Variants in PLCB1 observed in about 807,000 individuals in gnomAD.
PLCB1 encodes phospholipase C beta 1.
Under a neutral mutation model 161.8 loss-of-function variants are expected in PLCB1, and 46 were observed. That is an observed-to-expected ratio of 0.28 (90% CI 0.22 to 0.36). PLCB1 has a LOEUF of 0.36. PLCB1 is among the 10% of genes least tolerant of loss of function. The pLI, the probability that PLCB1 is intolerant of heterozygous loss-of-function variation, is 1.00. For missense variants in PLCB1, 1,016 were observed against 1,472.5 expected, an observed-to-expected ratio of 0.69 and a Z score of 5.07; for synonymous variants, 517 against 503.7, an observed-to-expected ratio of 1.03 and a Z score of -0.35.
At chr20:8,406,645 T>C (rs1456743429) in intron 3 of PLCB1, among the ~76,000 whole-genome samples, 1 of 152,186 alleles carries the variant, frequency 6.6e-6, no homozygotes, top group Non-Finnish European at 1.5e-5. Context: ...TAAGAGCCTG[T>C]CGAGCAGAGA....
At chr20:8,429,286 T>A (rs780337101) in intron 3 of PLCB1, among the ~76,000 whole-genome samples, 2 of 152,226 alleles carry the variant, frequency 1.3e-5, no homozygotes, top group Non-Finnish European at 2.9e-5. Flanking sequence ...TCTCTAACTC[T>A]TTAATCACTG....
intron 2 of PLCB1, among the ~76,000 whole-genome samples, chr20:8,319,942 C>G (rs1984832780): frequency 6.6e-6 from 1 of 151,912 alleles, no homozygotes; most frequent in Non-Finnish European, 1.5e-5. Context: ...CACATGTATA[C>G]ATAAGTAACA....
At chr20:8,740,048 A>G (rs1008437496) in intron 21 of PLCB1, among the ~76,000 whole-genome samples, 2 of 152,196 alleles carry the variant, frequency 1.3e-5, no homozygotes, top group African/African-American at 4.8e-5. Flanking sequence ...CATGTCAAGT[A>G]TAATTCTGTT....
At chr20:8,159,384 C>T (rs1165253071) in intron 2 of PLCB1, among the ~76,000 whole-genome samples, 1 of 152,088 alleles carries the variant, frequency 6.6e-6, no homozygotes, top group Non-Finnish European at 1.5e-5. Context: ...GCACAGGGAC[C>T]CTTGTTCCAA....
At chr20:8,316,572 C>A (rs1984663032) in intron 2 of PLCB1, among the ~76,000 whole-genome samples, 2 of 152,162 alleles carry the variant, frequency 1.3e-5, no homozygotes, top group Admixed American at 6.6e-5. Context: ...TGTAACACAG[C>A]CAAACTTCTG....
At chr20:8,856,210 C>T (rs915510370) in intron 31 of PLCB1, among the ~76,000 whole-genome samples, 12 of 152,088 alleles carry the variant, frequency 7.9e-5, no homozygotes, top group Middle Eastern at 3.4e-3. Flanking sequence ...ATTCCTATAA[C>T]ACTTTATTTT....
chr20:8,702,339 C>G (rs1978412457), intron 11 of PLCB1, among the ~76,000 whole-genome samples: 1 of 152,154 alleles, frequency 6.6e-6, no homozygotes, highest in South Asian at 2.1e-4. Flanking sequence ...TTGACACCAC[C>G]TACCCACCTC....
At chr20:8,191,463 A>G (rs931764650) in intron 2 of PLCB1, among the ~76,000 whole-genome samples, 1 of 151,964 alleles carries the variant, frequency 6.6e-6, no homozygotes, top group African/African-American at 2.4e-5. Flanking sequence ...TGCAGACAGG[A>G]TAGCCCTTCA....
At chr20:8,842,456 G>A (rs1014604748) in intron 31 of PLCB1, among the ~76,000 whole-genome samples, 5 of 152,058 alleles carry the variant, frequency 3.3e-5, no homozygotes, top group East Asian at 1.9e-4. Context: ...GTATTATTTC[G>A]ATTTGAACTT....
intron 19 of PLCB1, 70 bp from the exon 20 acceptor site, chr20:8,736,958 T>G: frequency 4.2e-6 from 5 of 1,184,572 alleles, no homozygotes; most frequent in Non-Finnish European, 6.2e-6. Flanking sequence ...CTCTTTAAAG[T>G]ATTCTCTTAT....
chr20:8,762,701 G>C (rs887108700), intron 25 of PLCB1, among the ~76,000 whole-genome samples: 1 of 152,136 alleles, frequency 6.6e-6, no homozygotes, highest in Non-Finnish European at 1.5e-5. Context: ...AAATGTACCT[G>C]GTTTTCTCCA....
intron 3 of PLCB1, among the ~76,000 whole-genome samples, chr20:8,396,865 A>G (rs1021226977): frequency 4.6e-5 from 7 of 152,080 alleles, no homozygotes; most frequent in South Asian, 4.1e-4. Flanking sequence ...TGTATAGCTG[A>G]ATAATAATGC....
At chr20:8,451,626 G>A (rs759360843) in intron 3 of PLCB1, among the ~76,000 whole-genome samples, 10 of 151,948 alleles carry the variant, frequency 6.6e-5, no homozygotes, top group African/African-American at 2.4e-4. Flanking sequence ...CTGGGATTAC[G>A]GGTGTGAGCC....
intron 2 of PLCB1, among the ~76,000 whole-genome samples, chr20:8,260,281 T>C (rs2123240542): frequency 6.6e-6 from 1 of 151,332 alleles, no homozygotes; most frequent in South Asian, 2.1e-4. Flanking sequence ...ACAAGGTCTT[T>C]CCATAGTGCC....
intron 31 of PLCB1, chr20:8,802,130 C>A (rs267606064): frequency 4.3e-6 from 7 of 1,612,598 alleles, no homozygotes; most frequent in Non-Finnish European, 5.9e-6. Flanking sequence ...TTACTCCCCC[C>A]AACCCTCAAG....
chr20:8,309,170 T>C (rs1444293849), intron 2 of PLCB1, among the ~76,000 whole-genome samples: 2 of 152,196 alleles, frequency 1.3e-5, no homozygotes, highest in Non-Finnish European at 2.9e-5. Flanking sequence ...AGGTTGCCCA[T>C]GGCTTTCTTT....
At chr20:8,296,441 C>T (rs758064641) in intron 2 of PLCB1, among the ~76,000 whole-genome samples, 5 of 152,156 alleles carry the variant, frequency 3.3e-5, no homozygotes, top group Non-Finnish European at 7.3e-5. Flanking sequence ...TATATGCCCT[C>T]CAAGAACCCG....
intron 31 of PLCB1, among the ~76,000 whole-genome samples, chr20:8,821,477 CAAAAAAAA>C (rs548686757): frequency 1.0e-4 from 2 of 19,194 alleles, no homozygotes; most frequent in African/African-American, 2.4e-4. Flanking sequence ...GATTCCGTCT[CAAAAAAAA>C]AAAAAAAAAA....
At chr20:8,404,595 G>T (rs1414205768) in intron 3 of PLCB1, among the ~76,000 whole-genome samples, 1 of 152,188 alleles carries the variant, frequency 6.6e-6, no homozygotes, top group Admixed American at 6.5e-5. Flanking sequence ...ATTTGCAACT[G>T]AAGTATGGGA....
Sources: gnomAD v4.1 joint callset for allele counts (sites outside exome capture counted in the v4.1 genomes callset) on GRCh38, gnomAD v4.1.1 for gene constraint, MANE v1.5 for transcripts, NCBI Gene and HGNC (gene_info 2026-07-23, HGNC 2026-07-21) for gene names.